NOM1: variants seen among roughly 807,000 people sequenced by gnomAD.
NOM1 encodes nucleolar MIF4G domain-containing protein 1.
NOM1 carries 58 observed loss-of-function variants against 73.3 expected under a neutral mutation model. The ratio of observed to expected loss-of-function variants is 0.79; its 90% CI spans 0.64 to 0.99. The LOEUF is 0.99. Ranked by LOEUF, NOM1 falls within the 50% of genes least tolerant of loss-of-function variation. The probability of loss-of-function intolerance (pLI) is 0.00; values close to 1 mark genes in which losing one functional copy is unlikely to be tolerated. For missense variants in NOM1, 1,226 were observed against 1,131.9 expected (o/e 1.08, Z -1.19); for synonymous variants, 487 against 446.8 (o/e 1.09, Z -1.14).
intron 8 of NOM1, 148 bp from the exon 9 acceptor site, chr7:156,966,813 A>G (rs1805009630): frequency 2.3e-6 from 2 of 854,496 alleles, no homozygotes; most frequent in East Asian, 2.7e-5. Flanking sequence ...CTCTATAGGC[A>G]AGAACAGTGA....
chr7:156,968,999 T>C lies in NOM1; in HGVS notation c.2299-88T>C. On this transcript the variant is annotated intron_variant, in intron 9 of 10. Coordinates refer to ENST00000275820, the MANE Select transcript of NOM1 (RefSeq NM_138400.2). ...AGAGTGGGGGAAGGGGGGAGATTAA[T>C]TTTTACTCTAATTAACTATATTACA... 3 of 755,020 alleles carry C rather than the reference T, an allele frequency of 4.0e-6. 1 individual carries two copies. The highest frequency in any genetic ancestry group is 7.0e-6 in the Non-Finnish European group (3 of 428,638). The allele number at this position is 755,020 out of a possible 1,614,324, so 46.8% of individuals were successfully genotyped here.
intron 3 of NOM1, among the ~76,000 whole-genome samples, chr7:156,955,144 C>T (rs191912753): frequency 6.6e-6 from 1 of 152,326 alleles, no homozygotes; most frequent in East Asian, 1.9e-4. Flanking sequence ...TAAATGTCCA[C>T]CCCACCCCCA....
rs569215347 is a variant in NOM1 at position 156,962,229 on chromosome 7, G to A, written c.1711G>A (p.Val571Met). ...AATTCCAGGCTATGACCCCGAGCCC[G>A]TGGAGAAGCTGAGGAAACTGCAGAG... ...RKIPGYDPEP[V>M]EKLRKLQRAL... Residue 571 changes from valine (V) to methionine (M), a missense_variant, in exon 5 of 11, where the codon GTG (valine) becomes ATG (methionine). Physicochemically the swap from Val to Met is conservative, Grantham distance 21. Transcript: ENST00000275820. 67 of 1,614,088 alleles carry A rather than the reference G, an allele frequency of 4.2e-5. 1 individual carries two copies. The South Asian group carries it at 4.2e-4, about 10-fold the overall frequency.
intron 3 of NOM1, among the ~76,000 whole-genome samples, chr7:156,954,715 C>T (rs1438644386): frequency 6.6e-6 from 1 of 151,932 alleles, no homozygotes; most frequent in Non-Finnish European, 1.5e-5. Context: ...CTCTGTTGCC[C>T]AGGCTGGTGT....
Position 156,962,198 on chromosome 7 carries a change from G to T in NOM1, c.1680G>T (p.Met560Ile). 1 of 1,614,134 alleles carries T rather than the reference G, an allele frequency of 6.2e-7. No homozygotes were observed. The highest frequency in any genetic ancestry group is 8.5e-7 in the Non-Finnish European group (1 of 1,180,008). Reference sequence around the variant, plus strand: ...TGTTGGCCCTGAAGAACAATGACATGCGCAAAATTCCAGGCTATGACCCCG... The same window carrying T: ...TGTTGGCCCTGAAGAACAATGACATTCGCAAAATTCCAGGCTATGACCCCG... ...ETMLALKNNDMRKIPGYDPEP... is the reference protein window; with the variant it reads ...ETMLALKNNDIRKIPGYDPEP... The change falls in exon 5 of 11, where the codon ATG becomes ATT. Residue 560 changes from methionine to isoleucine, a missense_variant. Met to Ile is a conservative substitution (Grantham distance 10). Transcript: ENST00000275820.
In NOM1 at chr7:156,950,727, A is replaced by T; in HGVS notation, c.987+3A>T. On this transcript the variant is annotated splice_donor_region_variant and intron_variant, in intron 1 of 10. Coordinates refer to ENST00000275820, the MANE Select transcript of NOM1 (RefSeq NM_138400.2). ...AGGACGGTGACATAACGGATAAGGTATCGTGTGAACACTCTCTAGGCCCTC... is the reference window on the plus strand; with the variant it reads ...AGGACGGTGACATAACGGATAAGGTTTCGTGTGAACACTCTCTAGGCCCTC... The T allele has an allele frequency of 1.9e-6, 3 of 1,550,420 alleles. No individual in the cohort carries two copies. Among genetic ancestry groups the T allele is most frequent in the Non-Finnish European group, 2.6e-6 (3 of 1,146,320 alleles).
In NOM1 at chr7:156,949,726, G is replaced by T. The variant is rs1486999013; in HGVS notation, c.-12G>T. 1.5e-6 allele frequency: 2 copies of T among 1,341,390 alleles called. No individual in the cohort carries two copies. Among genetic ancestry groups the T allele is most frequent in the Non-Finnish European group, 9.5e-7 (1 of 1,051,518 alleles). The allele number at this position is 1,341,390 out of a possible 1,614,324, so 83.1% of individuals were successfully genotyped here. ...CCTCGGCCGGAAGTCGTGCGTCCACGCGTTTCGAAAGATGGCGGCGTCCAG... is the reference window on the plus strand; with the variant it reads ...CCTCGGCCGGAAGTCGTGCGTCCACTCGTTTCGAAAGATGGCGGCGTCCAG... On this transcript the variant is annotated 5_prime_UTR_variant, in exon 1 of 11. Coordinates refer to ENST00000275820, the MANE Select transcript of NOM1 (RefSeq NM_138400.2).
chr7:156,966,920 G>A, intron 8 of NOM1, 41 bp from the exon 9 acceptor site: 1 of 1,577,710 alleles, frequency 6.3e-7, no homozygotes, highest in Non-Finnish European at 8.6e-7. Flanking sequence ...ATAGTAATTT[G>A]TGGCCGTTTG....
chr7:156,949,838 C>G lies in NOM1; in HGVS notation c.101C>G (p.Pro34Arg). The change falls in exon 1 of 11, where the codon CCT (proline) becomes CGT (arginine). Residue 34 changes from proline (P) to arginine (R), a missense_variant. Coordinates refer to ENST00000275820, the MANE Select transcript of NOM1 (RefSeq NM_138400.2). ...GGCGGGCGCGGGCCGCGCCGCGGTC[C>G]TGCTGGCGGTGGGGAGAAGGCCCTG... Reference protein sequence around the residue: ...RRGGRGPRRGPAGGGEKALKR... With the variant: ...RRGGRGPRRGRAGGGEKALKR... The G allele has an allele frequency of 6.9e-7, 1 of 1,459,352 alleles. No individual in the cohort carries two copies. 90.4% of individuals were successfully genotyped at this position (1,459,352 alleles called of 1,614,324 possible). A position where few individuals can be genotyped will look rare whatever the true frequency, so the allele number is the denominator to read the frequency against.
intron 6 of NOM1, chr7:156,963,379 T>G: frequency 1.6e-6 from 1 of 632,518 alleles, no homozygotes. Flanking sequence ...TTTATTGGAC[T>G]TTAAAAGATC....
chr7:156,962,458 C>T (rs1804890128), intron 5 of NOM1, among the ~76,000 whole-genome samples, 197 bp downstream of exon 5: 1 of 152,210 alleles, frequency 6.6e-6, no homozygotes, highest in African/African-American at 2.4e-5. Context: ...TGCAGAATGT[C>T]CGTGTGTGGG....
At chr7:156,953,740 C>T (rs1303867327) in intron 2 of NOM1, among the ~76,000 whole-genome samples, 1 of 152,150 alleles carries the variant, frequency 6.6e-6, no homozygotes, top group Non-Finnish European at 1.5e-5. Context: ...AGAAATAAAA[C>T]GTTAGCATTT....
At position 156,950,551 on chromosome 7, in the gene NOM1, A is replaced by G; in HGVS notation, c.814A>G (p.Lys272Glu). 3.7e-6 allele frequency: 6 copies of G among 1,612,028 alleles called. No homozygotes were observed. The highest frequency in any genetic ancestry group is 2.2e-5 in the South Asian group (2 of 90,972). The part of the protein sequence containing the change: ...EEEGDVEKEK[K>E]AQEAEAQSED... ...GGAGGGAGACGTAGAAAAGGAAAAGAAGGCGCAGGAAGCAGAAGCGCAGAG... is the reference window on the plus strand; with the variant it reads ...GGAGGGAGACGTAGAAAAGGAAAAGGAGGCGCAGGAAGCAGAAGCGCAGAG... Residue 272 changes from lysine to glutamate, a missense_variant, in exon 1 of 11, where the codon AAG becomes GAG. Physicochemically the swap from Lys to Glu is moderately conservative, Grantham distance 56 (BLOSUM62 1). Coordinates refer to ENST00000275820, the MANE Select transcript of NOM1 (RefSeq NM_138400.2).
intron 3 of NOM1, among the ~76,000 whole-genome samples, chr7:156,956,574 A>G (rs1279378184): frequency 6.6e-6 from 1 of 152,188 alleles, no homozygotes; most frequent in East Asian, 1.9e-4. Flanking sequence ...TTCCATGTCT[A>G]GCAGTAGTTG....
Position 156,969,611 on chromosome 7 carries a change from G to A in NOM1, c.2491G>A (p.Ala831Thr). 1 of 1,614,030 alleles carries A rather than the reference G, an allele frequency of 6.2e-7. No homozygotes were observed. The highest frequency in any genetic ancestry group is 2.2e-5 in the East Asian group (1 of 44,868). The part of the protein sequence containing the change: ...ISHFLLKNAQ[A>T]HRSADEANVL... ...CCACTTCTTGCTAAAGAACGCACAG[G>A]CCCACAGAAGCGCCGACGAAGCCAA... The change falls in exon 11 of 11, where the codon GCC becomes ACC. Residue 831 changes from alanine (A) to threonine (T), a missense_variant. Coordinates refer to ENST00000275820, the MANE Select transcript of NOM1 (RefSeq NM_138400.2).
rs779031788 is a variant in NOM1 at position 156,963,107 on chromosome 7, G to T, written c.1843G>T (p.Ala615Ser). ...GGGTCGCTGGTGGATTGTGGGGTCC[G>T]CCTGGAGTGGGGCCCCGATGATCGA... ...QTGRWWIVGS[A>S]WSGAPMIDNS... is the part of the protein sequence containing the mutation. The change falls in exon 6 of 11, where the codon GCC becomes TCC. Residue 615 changes from alanine (A) to serine (S), a missense_variant. Coordinates refer to ENST00000275820, the MANE Select transcript of NOM1 (RefSeq NM_138400.2). The T allele has an allele frequency of 6.2e-7, 1 of 1,614,144 alleles. No individual in the cohort carries two copies. The highest frequency in any genetic ancestry group is 1.3e-5 in the African/African-American group (1 of 75,042).
In NOM1 at chr7:156,950,629, G is replaced by A; in HGVS notation, c.892G>A (p.Gly298Arg). ...GGAACAGGGGGAAGAAAAGGAAAAG[G>A]GAGCGCAGGAGAAAAGGAGGGGGAA... Reference protein sequence around the residue: ...EEEQGEEKEKGAQEKRRGKRV... With the variant: ...EEEQGEEKEKRAQEKRRGKRV... The change falls in exon 1 of 11, where the codon GGA becomes AGA. Residue 298 changes from glycine (G) to arginine (R), a missense_variant. Gly to Arg is a moderately radical substitution (Grantham distance 125). Coordinates refer to ENST00000275820, the MANE Select transcript of NOM1 (RefSeq NM_138400.2). 1.3e-6 allele frequency: 2 copies of A among 1,557,870 alleles called. No homozygotes were observed. Among genetic ancestry groups the A allele is most frequent in the Non-Finnish European group, 1.7e-6 (2 of 1,150,160 alleles).
chr7:156,959,760 T>G, intron 3 of NOM1, 91 bp from the exon 4 acceptor site: 1 of 1,279,100 alleles, frequency 7.8e-7, no homozygotes, highest in South Asian at 1.3e-5. Flanking sequence ...TGTGGCACTT[T>G]GTTAATTTAG....
Position 156,968,487 on chromosome 7 carries a change from C to G in NOM1, c.2299-600C>G, listed in dbSNP as rs1270387137. ...TTCCCGTCACCATGCGTTTAGTCCC[C>G]TCCTCTAGCTCGCTGACATTCAGCT... is the stretch of plus-strand genomic sequence containing the variant. On this transcript the variant is annotated intron_variant, in intron 9 of 10. Coordinates refer to ENST00000275820, the MANE Select transcript of NOM1 (RefSeq NM_138400.2). 3.3e-5 allele frequency among the ~76,000 whole-genome samples: 5 copies of G among 152,228 alleles called. No homozygotes were observed. The East Asian group carries it at 7.7e-4, about 24-fold the overall frequency.
Sources: allele counts gnomAD v4.1 joint callset (sites outside exome capture counted in the v4.1 genomes callset), GRCh38; gene constraint gnomAD v4.1.1; transcripts MANE v1.5; gene names NCBI Gene and HGNC (gene_info 2026-07-23, HGNC 2026-07-21).